The following NDUFAF5 variants were observed in gnomAD, a reference collection of about 807,000 sequenced individuals.
NDUFAF5 encodes the protein arginine-hydroxylase NDUFAF5, mitochondrial.
A neutral mutation model predicts 48.9 loss-of-function variants in NDUFAF5; 34 were observed. The observed-to-expected ratio is 0.70, with a 90% CI of 0.53 to 0.93. NDUFAF5 has a LOEUF of 0.93. Among genes scored for constraint, NDUFAF5 ranks in the 40% least tolerant of loss-of-function variants. The probability of loss-of-function intolerance (pLI) is 0.00; values close to 1 mark genes in which losing one functional copy is unlikely to be tolerated. For missense variants in NDUFAF5, 428 were observed against 427.5 expected (o/e 1.00, Z -0.01); for synonymous variants, 153 against 150.6 (o/e 1.02, Z -0.12).
rs775364891 is a variant in NDUFAF5, at chr20:13,794,808, G to A, written c.376-30G>A. 21 of 1,267,426 alleles carry A rather than the reference G, an allele frequency of 1.7e-5. No individual in the cohort carries two copies. In the Admixed American group the frequency reaches 3.4e-4, roughly 21 times the overall value. 78.5% of individuals were successfully genotyped at this position (1,267,426 alleles called of 1,614,324 possible). A position where few individuals can be genotyped will look rare whatever the true frequency, so the allele number is the denominator to read the frequency against. On this transcript the variant is annotated intron_variant, in intron 4 of 10. Transcript: ENST00000378106. ...AGTAATTGAGATTCTACATAAATGT[G>A]ATTTTGATCTTTCGTTTTCTTAACA...
chr20:13,808,356 CACAT>C (rs1985376381), intron 7 of NDUFAF5, among the ~76,000 whole-genome samples: 1 of 152,042 alleles, frequency 6.6e-6, no homozygotes, highest in African/African-American at 2.4e-5. Context: ...AAACAAACTC[CACAT>C]GTATCAGCAA....
rs1986659811 is a variant in NDUFAF5 at position 13,817,809 on chromosome 20, A to G, written c.*599A>G. On this transcript the variant is annotated 3_prime_UTR_variant, in exon 11 of 11. Coordinates refer to ENST00000378106, the MANE Select transcript of NDUFAF5 (RefSeq NM_024120.5). ...CACATGTAACAGTCTCTGCACAGTC[A>G]TCAGTTTATTGTTAAGCTTTCCTTT... 2 of 216,238 alleles carry G rather than the reference A, an allele frequency of 9.2e-6. No homozygotes were observed. Among genetic ancestry groups the G allele is most frequent in the Non-Finnish European group, 2.2e-5 (2 of 92,080 alleles). 13.4% of individuals were successfully genotyped at this position (216,238 alleles called of 1,614,324 possible).
Position 13,801,545 on chromosome 20 carries a change from A to G in NDUFAF5, c.579A>G (p.Thr193=), listed in dbSNP as rs552334013. ...VFIGAMFGGD[T]LYELRCSLQL... ...TCGGTGCAATGTTTGGAGGCGACAC[A>G]CTCTATGAACTTCGGTGTTCCTTAC... The change falls in exon 7 of 11, where the codon ACA becomes ACG. Residue 193 remains threonine (T), a synonymous_variant. Coordinates refer to ENST00000378106, the MANE Select transcript of NDUFAF5 (RefSeq NM_024120.5). 8.1e-6 allele frequency: 13 copies of G among 1,613,990 alleles called. No individual in the cohort carries two copies. The African/African-American group carries it at 1.2e-4, about 15-fold the overall frequency.
At position 13,820,911 on chromosome 20, in the gene NDUFAF5, G is replaced by C. The variant is rs1050042939; in HGVS notation, c.*3701G>C. On this transcript the variant is annotated 3_prime_UTR_variant, in exon 11 of 11. Coordinates refer to ENST00000378106, the MANE Select transcript of NDUFAF5 (RefSeq NM_024120.5). Reference sequence around the variant, plus strand: ...CTTAAGAAATATTTTGAGCTTTTTTGGGGAGGGGTTGTGGTTAATGATGTG... The same window carrying C: ...CTTAAGAAATATTTTGAGCTTTTTTCGGGAGGGGTTGTGGTTAATGATGTG... The C allele has an allele frequency of 6.6e-6, 1 of 152,116 alleles. No individual in the cohort carries two copies. The highest frequency in any genetic ancestry group is 2.4e-5 in the African/African-American group (1 of 41,410). The allele number at this position is 152,116 out of a possible 1,614,324, so 9.4% of individuals were successfully genotyped here.
intron 7 of NDUFAF5, among the ~76,000 whole-genome samples, chr20:13,802,042 G>A (rs1031427478): frequency 2.1e-4 from 32 of 152,134 alleles, no homozygotes; most frequent in Admixed American, 1.3e-4. Flanking sequence ...AAGGGGATAA[G>A]TAGGGGAACC....
chr20:13,791,854 C>G (rs1982329983), intron 3 of NDUFAF5, among the ~76,000 whole-genome samples: 2 of 152,170 alleles, frequency 1.3e-5, no homozygotes, highest in African/African-American at 4.8e-5. Flanking sequence ...GTGTGTGGCC[C>G]CATATGAATA....
chr20:13,812,446 A>T (rs1985993668), intron 8 of NDUFAF5, among the ~76,000 whole-genome samples: 1 of 152,116 alleles, frequency 6.6e-6, no homozygotes. Flanking sequence ...ATGATATATC[A>T]CTCGGGCTCT....
intron 8 of NDUFAF5, chr20:13,814,473 T>G: frequency 7.8e-7 from 1 of 1,289,268 alleles, no homozygotes; most frequent in Non-Finnish European, 1.0e-6. Context: ...TATCAGCTGA[T>G]GAATGCATGA....
chr20:13,810,474 G>A (rs1985710418), intron 8 of NDUFAF5, among the ~76,000 whole-genome samples: 2 of 152,156 alleles, frequency 1.3e-5, no homozygotes, highest in African/African-American at 4.8e-5. Flanking sequence ...GTAGGTTGAG[G>A]AGTAAGTGGA....
At chr20:13,799,505 C>T (rs1983779742) in intron 6 of NDUFAF5, among the ~76,000 whole-genome samples, 1 of 151,932 alleles carries the variant, frequency 6.6e-6, no homozygotes, top group African/African-American at 2.4e-5. Flanking sequence ...TCGAGACCAG[C>T]CTGGCCAACA....
At position 13,785,290 on chromosome 20, in the gene NDUFAF5, G is replaced by A. The variant is rs1378647046; in HGVS notation, c.222G>A (p.Glu74=). 6.2e-6 allele frequency: 10 copies of A among 1,602,296 alleles called. No individual in the cohort carries two copies. Among genetic ancestry groups the A allele is most frequent in the East Asian group, 2.2e-5 (1 of 44,682 alleles). The part of the protein sequence containing the change: ...EPTKFDYLKE[E]VGSRIADRVY... ...CCAAATTTGACTACCTGAAGGAGGA[G>A]GTGAGCCCGCGGGGCGGCGGGGCGG... Residue 74 remains glutamate, a splice_region_variant and synonymous_variant, in exon 1 of 11, where the codon GAG becomes GAA. Coordinates refer to ENST00000378106, the MANE Select transcript of NDUFAF5 (RefSeq NM_024120.5).
chr20:13,789,531 A>C (rs1981905220), intron 3 of NDUFAF5, among the ~76,000 whole-genome samples: 1 of 150,162 alleles, frequency 6.7e-6, no homozygotes, highest in Non-Finnish European at 1.5e-5. Context: ...GCTGGAGTGC[A>C]GTGGTGCAAT....
chr20:13,814,215 G>A (rs941819670), intron 8 of NDUFAF5: 7 of 349,158 alleles, frequency 2.0e-5, no homozygotes, highest in South Asian at 1.3e-4. Flanking sequence ...CTTGGAAAAA[G>A]TCAGAGGCAG....
intron 1 of NDUFAF5, among the ~76,000 whole-genome samples, chr20:13,785,987 GT>G (rs1217890963): frequency 1.3e-5 from 2 of 152,122 alleles, no homozygotes; most frequent in African/African-American, 4.8e-5. Flanking sequence ...TGAAGCTCTT[GT>G]TTTAATCAGT....
At position 13,816,511 on chromosome 20, in the gene NDUFAF5, G is replaced by A. The variant is rs765428922; in HGVS notation, c.827G>A (p.Arg276Gln). Residue 276 changes from arginine (R) to glutamine (Q), a missense_variant, in exon 9 of 11, where the codon CGA becomes CAA. By Grantham distance (43) the Arg-to-Gln change is conservative (BLOSUM62 1). Coordinates refer to ENST00000378106, the MANE Select transcript of NDUFAF5 (RefSeq NM_024120.5). ...TGGAATAGAAAAGCCCTGCTGCATCGAGACACAATGCTGGCAGCTGCGGCA... is the reference window on the plus strand; with the variant it reads ...TGGAATAGAAAAGCCCTGCTGCATCAAGACACAATGCTGGCAGCTGCGGCA... ...CAWNRKALLH[R>Q]DTMLAAAAVY... is the part of the protein sequence containing the mutation. 2.5e-5 allele frequency: 40 copies of A among 1,613,948 alleles called. No homozygotes were observed. The East Asian group carries it at 3.8e-4, about 15-fold the overall frequency.
intron 5 of NDUFAF5, 133 bp downstream of exon 5, chr20:13,795,074 C>G (rs1391142274): frequency 2.9e-6 from 2 of 683,124 alleles, no homozygotes; most frequent in Non-Finnish European, 5.3e-6. Flanking sequence ...GAGTGAATCT[C>G]TTGAGGTCAG....
intron 3 of NDUFAF5, among the ~76,000 whole-genome samples, chr20:13,792,768 C>G (rs936138482): frequency 2.0e-5 from 3 of 152,116 alleles, no homozygotes; most frequent in Non-Finnish European, 1.5e-5. Context: ...GTAGGCGAAA[C>G]AGGGAAAATG....
At chr20:13,804,314 T>C (rs1474369429) in intron 7 of NDUFAF5, among the ~76,000 whole-genome samples, 1 of 152,122 alleles carries the variant, frequency 6.6e-6, no homozygotes, top group African/African-American at 2.4e-5. Flanking sequence ...ATTTTGACTT[T>C]GTGGACCCCC....
chr20:13,794,722 G>C (rs1241158056), intron 4 of NDUFAF5, 116 bp from the exon 5 acceptor site: 5 of 743,816 alleles, frequency 6.7e-6, no homozygotes, highest in East Asian at 2.7e-5. Flanking sequence ...TTTGGGAAGG[G>C]GGGTAGAAAC....
Sources: allele counts gnomAD v4.1 joint callset (sites outside exome capture counted in the v4.1 genomes callset), GRCh38; gene constraint gnomAD v4.1.1; transcripts MANE v1.5; gene names NCBI Gene and HGNC (gene_info 2026-07-23, HGNC 2026-07-21).